Variants in HS3ST4 observed in about 807,000 individuals in gnomAD.
HS3ST4 encodes heparan sulfate-glucosamine 3-sulfotransferase 4, also known as heparan sulfate glucosamine 3-O-sulfotransferase 4.
In HS3ST4, 17 loss-of-function variants were observed where a neutral mutation model predicts 29.2. The ratio of observed to expected loss-of-function variants is 0.58; its 90% CI spans 0.40 to 0.87. The LOEUF (loss-of-function observed/expected upper bound fraction) is 0.87. HS3ST4 is among the 40% of genes least tolerant of loss of function. HS3ST4 has a pLI of 0.00. For synonymous variants in HS3ST4, 314 were observed against 285.7 expected (o/e 1.10, Z -1.00); for missense variants, 627 against 634.5 (o/e 0.99, Z 0.13).
At chr16:25,881,343 TA>T (rs1373928757) in intron 1 of HS3ST4, among the ~76,000 whole-genome samples, 1 of 151,992 alleles carries the variant, frequency 6.6e-6, no homozygotes, top group African/African-American at 2.4e-5. Context: ...ATTTCATAGT[TA>T]AAAAAAAGTT....
chr16:25,746,564 T>TG (rs1966686840), intron 1 of HS3ST4, among the ~76,000 whole-genome samples: 1 of 151,924 alleles, frequency 6.6e-6, no homozygotes, highest in African/African-American at 2.4e-5. Context: ...GGTTTTTTTT[T>TG]TTTTTTAGAC....
At chr16:26,058,143 C>G (rs1216376365) in intron 1 of HS3ST4, among the ~76,000 whole-genome samples, 1 of 152,176 alleles carries the variant, frequency 6.6e-6, no homozygotes, top group Non-Finnish European at 1.5e-5. Context: ...GTTCTCCAAG[C>G]TATGTAACTG....
intron 1 of HS3ST4, 40 bp downstream of exon 1, chr16:25,693,191 G>A (rs1025438853): frequency 8.0e-6 from 12 of 1,506,736 alleles, no homozygotes; most frequent in Middle Eastern, 3.8e-4. Context: ...AGACGCGTGG[G>A]GGAGACGCGG....
intron 1 of HS3ST4, among the ~76,000 whole-genome samples, chr16:26,047,167 T>C (rs1211047394): frequency 6.6e-6 from 1 of 152,210 alleles, no homozygotes; most frequent in African/African-American, 2.4e-5. Flanking sequence ...GAGGGCTAAG[T>C]TGCCATGAGC....
chr16:25,799,803 T>C (rs1296746074), intron 1 of HS3ST4, among the ~76,000 whole-genome samples: 1 of 139,032 alleles, frequency 7.2e-6, no homozygotes, highest in Non-Finnish European at 1.5e-5. Context: ...TGTTGATAGT[T>C]CTGTCTGTCT....
At position 26,034,959 on chromosome 16, in the gene HS3ST4, G is replaced by T. The variant is rs115837038; in HGVS notation, c.735-100653G>T. 4.0e-3 allele frequency among the ~76,000 whole-genome samples: 607 copies of T among 152,234 alleles called. 2 individuals carry two copies. Among genetic ancestry groups the T allele is most frequent in the African/African-American group, 0.014 (586 of 41,522 alleles). On this transcript the variant is annotated intron_variant, in intron 1 of 1. Transcript: ENST00000331351. ...GATCACCCCACTGCACTCCAGCTGA[G>T]CAACAGAGTGAGATCCCATCTGAAA...
chr16:26,071,648 A>G (rs1045377686), intron 1 of HS3ST4, among the ~76,000 whole-genome samples: 1 of 152,184 alleles, frequency 6.6e-6, no homozygotes, highest in African/African-American at 2.4e-5. Flanking sequence ...TTTAAAATAC[A>G]TGCATTAGTC....
intron 1 of HS3ST4, among the ~76,000 whole-genome samples, chr16:26,061,148 A>C (rs1898470388): frequency 6.6e-6 from 1 of 152,246 alleles, no homozygotes; most frequent in Admixed American, 6.5e-5. Flanking sequence ...CATTTGATGT[A>C]GAAACTTGTC....
intron 1 of HS3ST4, among the ~76,000 whole-genome samples, chr16:26,089,934 A>AG (rs1198052395): frequency 1.3e-5 from 2 of 152,206 alleles, no homozygotes; most frequent in African/African-American, 4.8e-5. Flanking sequence ...GAACTGCATG[A>AG]GAAAGTGCAT....
chr16:25,753,262 A>G (rs951088701), intron 1 of HS3ST4, among the ~76,000 whole-genome samples: 2 of 152,224 alleles, frequency 1.3e-5, no homozygotes, highest in Non-Finnish European at 2.9e-5. Flanking sequence ...CATTATCATA[A>G]TTCATCATTC....
intron 1 of HS3ST4, among the ~76,000 whole-genome samples, chr16:25,729,294 G>A (rs1966556178): frequency 6.6e-6 from 1 of 152,134 alleles, no homozygotes; most frequent in Admixed American, 6.5e-5. Flanking sequence ...CTAATGGTGT[G>A]AAAATCTTGT....
Position 26,046,729 on chromosome 16 carries a change from G to A in HS3ST4, c.735-88883G>A, listed in dbSNP as rs566997919. On this transcript the variant is annotated intron_variant, in intron 1 of 1. Transcript: ENST00000331351. ...TATATATGTGTATATATATATATAT[G>A]TGTGTGTGTGTATGTGTGTAAACAT... is the stretch of plus-strand genomic sequence containing the variant. 6.7e-5 allele frequency among the ~76,000 whole-genome samples: 10 copies of A among 149,816 alleles called. No individual in the cohort carries two copies. The South Asian group carries it at 8.4e-4, about 13-fold the overall frequency.
intron 1 of HS3ST4, among the ~76,000 whole-genome samples, chr16:25,926,971 A>C (rs914282368): frequency 2.6e-5 from 4 of 152,068 alleles, no homozygotes; most frequent in Admixed American, 6.5e-5. Flanking sequence ...TAAGGTCAGG[A>C]GAATTGCTTG....
At chr16:25,764,240 T>C (rs991640380) in intron 1 of HS3ST4, among the ~76,000 whole-genome samples, 2 of 152,110 alleles carry the variant, frequency 1.3e-5, no homozygotes, top group African/African-American at 4.8e-5. Context: ...CAGCAGTTGA[T>C]CTGGACTGGG....
At chr16:25,701,034 G>A (rs1966330880) in intron 1 of HS3ST4, among the ~76,000 whole-genome samples, 1 of 152,146 alleles carries the variant, frequency 6.6e-6, no homozygotes, top group East Asian at 1.9e-4. Context: ...GAAGTCTGGG[G>A]ATAACTTGGT....
At chr16:25,826,223 C>T (rs975625557) in intron 1 of HS3ST4, 3 of 152,246 alleles carry the variant, frequency 2.0e-5, no homozygotes, top group Admixed American at 6.5e-5. Flanking sequence ...GAATTTCCTT[C>T]TGGACCTCAA....
At chr16:25,908,954 T>G (rs1480759634) in intron 1 of HS3ST4, among the ~76,000 whole-genome samples, 1 of 152,194 alleles carries the variant, frequency 6.6e-6, no homozygotes, top group Non-Finnish European at 1.5e-5. Context: ...GAGATGTCCC[T>G]TGGTGCCCAG....
intron 1 of HS3ST4, among the ~76,000 whole-genome samples, chr16:25,855,951 C>G (rs185864090): frequency 7.8e-4 from 118 of 152,148 alleles, no homozygotes; most frequent in African/African-American, 2.8e-3. Flanking sequence ...CTTTCCCCAG[C>G]TGGATAAGGC....
intron 1 of HS3ST4, among the ~76,000 whole-genome samples, chr16:25,891,641 G>A (rs1227651498): frequency 6.6e-6 from 1 of 152,182 alleles, no homozygotes; most frequent in Non-Finnish European, 1.5e-5. Context: ...ACGTACTCTA[G>A]GTTCAAGGGG....
Sources: allele counts gnomAD v4.1 joint callset (sites outside exome capture counted in the v4.1 genomes callset), GRCh38; gene constraint gnomAD v4.1.1; transcripts MANE v1.5; gene names NCBI Gene and HGNC (gene_info 2026-07-23, HGNC 2026-07-21).